GALNTL6: variants seen among roughly 807,000 people sequenced by gnomAD.
The protein encoded by GALNTL6 is polypeptide N-acetylgalactosaminyltransferase-like 6.
A neutral mutation model predicts 73.7 loss-of-function variants in GALNTL6; 46 were observed. The ratio of observed to expected loss-of-function variants is 0.62; its 90% CI spans 0.49 to 0.80. GALNTL6 has a LOEUF of 0.80. Among genes scored for constraint, GALNTL6 ranks in the 30% least tolerant of loss-of-function variants. GALNTL6 has a pLI of 0.00. For missense variants in GALNTL6, 604 were observed against 755.0 expected, an observed-to-expected ratio of 0.80 and a Z score of 2.34; for synonymous variants, 259 against 263.7, an observed-to-expected ratio of 0.98 and a Z score of 0.17.
chr4:172,191,517 C>G (rs997470144), intron 2 of GALNTL6, among the ~76,000 whole-genome samples: 1 of 152,100 alleles, frequency 6.6e-6, no homozygotes, highest in Non-Finnish European at 1.5e-5. Context: ...CTTAAGGATC[C>G]TCATGACCTC....
At chr4:172,715,678 A>G (rs1735032982) in intron 5 of GALNTL6, among the ~76,000 whole-genome samples, 1 of 152,212 alleles carries the variant, frequency 6.6e-6, no homozygotes, top group Admixed American at 6.5e-5. Flanking sequence ...TTCTTAGTTA[A>G]CAATTCTATT....
chr4:172,525,251 T>C (rs1189129271), intron 5 of GALNTL6, among the ~76,000 whole-genome samples: 1 of 152,210 alleles, frequency 6.6e-6, no homozygotes, highest in Non-Finnish European at 1.5e-5. Flanking sequence ...ATTTGCATTT[T>C]CACACAAATG....
chr4:172,661,907 C>A (rs1265981205), intron 5 of GALNTL6, among the ~76,000 whole-genome samples: 1 of 152,108 alleles, frequency 6.6e-6, no homozygotes, highest in Non-Finnish European at 1.5e-5. Context: ...AGCTCAGAAT[C>A]TGAGGGAAAA....
intron 2 of GALNTL6, among the ~76,000 whole-genome samples, chr4:172,037,306 G>A (rs1377628348): frequency 6.6e-6 from 1 of 152,046 alleles, no homozygotes; most frequent in Non-Finnish European, 1.5e-5. Context: ...GGAGCTAACA[G>A]TATTCCTGCA....
At chr4:172,128,341 A>G (rs2111012800) in intron 2 of GALNTL6, among the ~76,000 whole-genome samples, 2 of 152,302 alleles carry the variant, frequency 1.3e-5, no homozygotes, top group East Asian at 3.9e-4. Flanking sequence ...TGACTATGCC[A>G]GATTTTACCA....
intron 9 of GALNTL6, among the ~76,000 whole-genome samples, chr4:172,938,214 G>A (rs1170126647): frequency 6.6e-6 from 1 of 152,124 alleles, no homozygotes; most frequent in Non-Finnish European, 1.5e-5. Flanking sequence ...TCTCCCTGGT[G>A]ACATCCAGCT....
chr4:171,875,857 T>A (rs1736262697), intron 2 of GALNTL6, among the ~76,000 whole-genome samples: 1 of 151,322 alleles, frequency 6.6e-6, no homozygotes, highest in South Asian at 2.1e-4. Flanking sequence ...CATGGCTAAC[T>A]ATCTGCCTAC....
chr4:172,048,328 A>G (rs922055890), intron 2 of GALNTL6, among the ~76,000 whole-genome samples: 1 of 152,170 alleles, frequency 6.6e-6, no homozygotes, highest in East Asian at 1.9e-4. Context: ...TAGATACAGA[A>G]TACCCAGAAG....
At chr4:172,754,675 A>T (rs1737638156) in intron 5 of GALNTL6, among the ~76,000 whole-genome samples, 1 of 152,178 alleles carries the variant, frequency 6.6e-6, no homozygotes, top group Non-Finnish European at 1.5e-5. Context: ...ATACAAAATT[A>T]AGCTATGTTT....
chr4:173,018,566 G>A (rs933218012), intron 11 of GALNTL6, among the ~76,000 whole-genome samples: 1 of 152,188 alleles, frequency 6.6e-6, no homozygotes, highest in African/African-American at 2.4e-5. Flanking sequence ...TGATGAAATA[G>A]GTAAGGGATG....
intron 2 of GALNTL6, among the ~76,000 whole-genome samples, chr4:171,877,016 C>T (rs1736298623): frequency 6.6e-6 from 1 of 152,086 alleles, no homozygotes; most frequent in Non-Finnish European, 1.5e-5. Context: ...TCCTTAATCC[C>T]AGTGAGCTAC....
At chr4:172,267,371 G>T (rs1309707573) in intron 3 of GALNTL6, among the ~76,000 whole-genome samples, 2 of 152,138 alleles carry the variant, frequency 1.3e-5, no homozygotes, top group Non-Finnish European at 2.9e-5. Flanking sequence ...TCAGGCACAA[G>T]ACTGTCCAGA....
chr4:172,516,540 GA>G (rs1734613184), intron 5 of GALNTL6, among the ~76,000 whole-genome samples: 1 of 152,048 alleles, frequency 6.6e-6, no homozygotes, highest in South Asian at 2.1e-4. Context: ...CAACGTAAAA[GA>G]TTTTTTTAAA....
chr4:172,154,157 G>GT (rs150388060), intron 2 of GALNTL6, among the ~76,000 whole-genome samples: 59,339 of 137,510 alleles, frequency 0.43, 12,269 homozygotes, highest in African/African-American at 0.5. Flanking sequence ...AATCACATGA[G>GT]TTTTTTTTTT....
intron 5 of GALNTL6, among the ~76,000 whole-genome samples, chr4:172,767,708 C>A (rs1378690705): frequency 1.4e-5 from 2 of 141,258 alleles, no homozygotes; most frequent in Non-Finnish European, 1.5e-5. Flanking sequence ...TTCTGTTGCC[C>A]AGGCTGGAGT....
intron 4 of GALNTL6, among the ~76,000 whole-genome samples, chr4:172,329,659 G>A (rs1399093830): frequency 6.6e-6 from 1 of 152,170 alleles, no homozygotes; most frequent in African/African-American, 2.4e-5. Context: ...CTTCTCTGTA[G>A]AGCTGCTGCA....
chr4:172,140,367 A>G (rs1733768730), intron 2 of GALNTL6, among the ~76,000 whole-genome samples: 1 of 152,084 alleles, frequency 6.6e-6, no homozygotes, highest in Non-Finnish European at 1.5e-5. Flanking sequence ...GTATACTATT[A>G]AATTCCTCTC....
At chr4:171,966,253 T>A (rs1383525727) in intron 2 of GALNTL6, among the ~76,000 whole-genome samples, 1 of 152,148 alleles carries the variant, frequency 6.6e-6, no homozygotes, top group Non-Finnish European at 1.5e-5. Flanking sequence ...GCTGAATAGG[T>A]TTCTAAGACC....
At chr4:172,052,984 A>G (rs1420551354) in intron 2 of GALNTL6, among the ~76,000 whole-genome samples, 2 of 152,202 alleles carry the variant, frequency 1.3e-5, no homozygotes, top group African/African-American at 2.4e-5. Context: ...TCAGGGGAAA[A>G]GGAATGAGCA....
Sources: gnomAD v4.1 joint callset for allele counts (sites outside exome capture counted in the v4.1 genomes callset) on GRCh38, gnomAD v4.1.1 for gene constraint, MANE v1.5 for transcripts, NCBI Gene and HGNC (gene_info 2026-07-23, HGNC 2026-07-21) for gene names.